RNF180: variants seen among roughly 807,000 people sequenced by gnomAD.
RNF180 encodes ring finger protein 180.
In RNF180, 38 loss-of-function variants were observed where a neutral mutation model predicts 59.2. That is an observed-to-expected ratio of 0.64 (90% CI 0.50 to 0.84). The LOEUF (loss-of-function observed/expected upper bound fraction) is 0.84. RNF180 is among the 40% of genes least tolerant of loss of function. The pLI, the probability that RNF180 is intolerant of heterozygous loss-of-function variation, is 0.00. For missense variants in RNF180, 705 were observed against 700.9 expected (o/e 1.01, Z -0.07); for synonymous variants, 262 against 240.3 (o/e 1.09, Z -0.84).
chr5:64,228,207 G>A (rs1376152504), intron 5 of RNF180, among the ~76,000 whole-genome samples: 1 of 152,136 alleles, frequency 6.6e-6, no homozygotes, highest in African/African-American at 2.4e-5. Context: ...ATATATGTAA[G>A]CATCAATCAT....
At chr5:64,182,102 T>C (rs1166861301) in intron 1 of RNF180, among the ~76,000 whole-genome samples, 5 of 149,310 alleles carry the variant, frequency 3.3e-5, no homozygotes, top group Middle Eastern at 6.8e-3. Context: ...ACCATTCTCC[T>C]GCCTCAGCCT....
chr5:64,206,200 A>G (rs1228912571), intron 2 of RNF180, among the ~76,000 whole-genome samples: 2 of 152,222 alleles, frequency 1.3e-5, no homozygotes, highest in African/African-American at 4.8e-5. Context: ...TCGTTGGTCA[A>G]CATTCATTGT....
intron 1 of RNF180, among the ~76,000 whole-genome samples, chr5:64,179,568 TTTTTTTCTAGATAC>T (rs1270916503): frequency 6.6e-6 from 1 of 152,196 alleles, no homozygotes; most frequent in Non-Finnish European, 1.5e-5. Context: ...ATAACTTTGA[TTTTTTTCTAGATAC>T]ATACAGCTTT....
chr5:64,322,637 G>GTA (rs1554043417), intron 5 of RNF180, among the ~76,000 whole-genome samples: 1 of 148,920 alleles, frequency 6.7e-6, no homozygotes, highest in African/African-American at 2.5e-5. Context: ...GTGTGTGTGT[G>GTA]TATAACGGAA....
At chr5:64,202,658 T>C (rs1432736861) in intron 2 of RNF180, among the ~76,000 whole-genome samples, 2 of 152,214 alleles carry the variant, frequency 1.3e-5, no homozygotes, top group Non-Finnish European at 2.9e-5. Flanking sequence ...TTTATAATTT[T>C]AGCCATTCTG....
At chr5:64,284,225 C>G (rs1464907970) in intron 5 of RNF180, among the ~76,000 whole-genome samples, 1 of 74,056 alleles carries the variant, frequency 1.4e-5, no homozygotes, top group Non-Finnish European at 2.6e-5. Flanking sequence ...GAAAGGTCCA[C>G]TGTTGGCCTG....
intron 1 of RNF180, among the ~76,000 whole-genome samples, chr5:64,177,311 G>A (rs937344550): frequency 1.3e-5 from 2 of 151,668 alleles, no homozygotes; most frequent in Non-Finnish European, 2.9e-5. Context: ...ATTCTACTTG[G>A]CTGATGCTAT....
chr5:64,184,518 A>G (rs934674807), intron 1 of RNF180, among the ~76,000 whole-genome samples: 2 of 152,140 alleles, frequency 1.3e-5, no homozygotes, highest in Admixed American at 1.3e-4. Context: ...CTCACCAACT[A>G]TTTGGTTACC....
chr5:64,274,746 G>A (rs958238149), intron 5 of RNF180, among the ~76,000 whole-genome samples: 1 of 151,864 alleles, frequency 6.6e-6, no homozygotes. Flanking sequence ...GGCTTCTACT[G>A]TACTGTATTC....
At chr5:64,368,078 C>T (rs1397971670) in intron 7 of RNF180, among the ~76,000 whole-genome samples, 1 of 151,622 alleles carries the variant, frequency 6.6e-6, no homozygotes, top group Non-Finnish European at 1.5e-5. Flanking sequence ...TCAGAAATGT[C>T]ATATTCATTT....
intron 5 of RNF180, among the ~76,000 whole-genome samples, chr5:64,236,894 T>C (rs149312633): frequency 2.7e-4 from 41 of 152,268 alleles, no homozygotes; most frequent in African/African-American, 9.9e-4. Context: ...CAGAAAAGAA[T>C]TGAGCTTCGA....
At chr5:64,299,623 G>T (rs991438883) in intron 5 of RNF180, among the ~76,000 whole-genome samples, 4 of 151,920 alleles carry the variant, frequency 2.6e-5, no homozygotes, top group Non-Finnish European at 5.9e-5. Flanking sequence ...CTTTTAAAAA[G>T]TATATTTGTC....
chr5:64,366,037 A>G (rs1746434715), intron 7 of RNF180, among the ~76,000 whole-genome samples: 1 of 151,344 alleles, frequency 6.6e-6, no homozygotes, highest in African/African-American at 2.4e-5. Flanking sequence ...TATTATGCCA[A>G]CCTGTTTTTA....
chr5:64,345,587 AAATTT>A (rs1745521467), intron 7 of RNF180, among the ~76,000 whole-genome samples: 1 of 152,212 alleles, frequency 6.6e-6, no homozygotes, highest in Admixed American at 6.5e-5. Context: ...TTTCTTAGTG[AAATTT>A]TCCACAATGT....
chr5:64,264,024 T>C (rs1434511765), intron 5 of RNF180, among the ~76,000 whole-genome samples: 2 of 152,204 alleles, frequency 1.3e-5, no homozygotes, highest in Non-Finnish European at 2.9e-5. Flanking sequence ...TGCTGTGGCC[T>C]GATTTACTTC....
chr5:64,192,851 A>AG (rs1326130639), intron 1 of RNF180, among the ~76,000 whole-genome samples: 6 of 147,992 alleles, frequency 4.1e-5, no homozygotes, highest in Non-Finnish European at 8.9e-5. Context: ...AAATAAGGGG[A>AG]GAAAAAACCA....
chr5:64,218,196 G>A (rs540846988), intron 5 of RNF180, among the ~76,000 whole-genome samples: 5 of 152,098 alleles, frequency 3.3e-5, no homozygotes, highest in East Asian at 1.9e-4. Flanking sequence ...ACTCTGCCTC[G>A]TACTAGGTTA....
At chr5:64,270,104 T>C (rs750080660) in intron 5 of RNF180, among the ~76,000 whole-genome samples, 21 of 152,100 alleles carry the variant, frequency 1.4e-4, no homozygotes, top group Non-Finnish European at 3.1e-4. Flanking sequence ...ATGAAAAGAT[T>C]CTAATATCTT....
intron 5 of RNF180, among the ~76,000 whole-genome samples, chr5:64,304,615 C>G (rs1004844871): frequency 2.1e-4 from 32 of 151,598 alleles, no homozygotes; most frequent in Admixed American, 4.0e-4. Context: ...GCTACAATCT[C>G]ATGATACAAT....
Sources: allele counts gnomAD v4.1 joint callset (sites outside exome capture counted in the v4.1 genomes callset), GRCh38; gene constraint gnomAD v4.1.1; transcripts MANE v1.5; gene names NCBI Gene and HGNC (gene_info 2026-07-23, HGNC 2026-07-21).